ADGRL3: variants seen among roughly 807,000 people sequenced by gnomAD.
ADGRL3 encodes the protein calcium-independent alpha-latrotoxin receptor 3.
A neutral mutation model predicts 153.5 loss-of-function variants in ADGRL3; 62 were observed. The ratio of observed to expected loss-of-function variants is 0.40; its 90% CI spans 0.33 to 0.50. The LOEUF (loss-of-function observed/expected upper bound fraction) is 0.50. ADGRL3 is among the 20% of genes least tolerant of loss of function. The pLI, the probability that ADGRL3 is intolerant of heterozygous loss-of-function variation, is 0.47. For synonymous variants in ADGRL3, 710 were observed against 672.5 expected, an observed-to-expected ratio of 1.06 and a Z score of -0.86; for missense variants, 1,641 against 1,859.4, an observed-to-expected ratio of 0.88 and a Z score of 2.16.
chr4:61,863,488 C>T (rs1317643638), intron 9 of ADGRL3, among the ~76,000 whole-genome samples: 2 of 151,854 alleles, frequency 1.3e-5, no homozygotes, highest in Non-Finnish European at 2.9e-5. Context: ...CCGCCCGCCT[C>T]GGCCTCCCAA....
intron 8 of ADGRL3, among the ~76,000 whole-genome samples, chr4:61,748,086 C>T (rs1382380364): frequency 6.6e-6 from 1 of 151,312 alleles, no homozygotes; most frequent in Non-Finnish European, 1.5e-5. Context: ...AGAGCCAAAT[C>T]ATGAGTGAAC....
At chr4:61,261,385 C>G (rs1352948619) in intron 1 of ADGRL3, among the ~76,000 whole-genome samples, 2 of 151,960 alleles carry the variant, frequency 1.3e-5, no homozygotes, top group Non-Finnish European at 2.9e-5. Context: ...AATACAAGGC[C>G]TACACATTTT....
intron 13 of ADGRL3, among the ~76,000 whole-genome samples, chr4:61,927,539 T>A (rs2098799644): frequency 6.6e-6 from 1 of 152,080 alleles, no homozygotes; most frequent in Non-Finnish European, 1.5e-5. Flanking sequence ...AAAAGGTAGT[T>A]CAGAGATTAG....
At chr4:61,349,164 A>G (rs2095989561) in intron 1 of ADGRL3, among the ~76,000 whole-genome samples, 1 of 152,074 alleles carries the variant, frequency 6.6e-6, no homozygotes, top group African/African-American at 2.4e-5. Flanking sequence ...TAAAATTGGC[A>G]GGACTAGTTT....
intron 5 of ADGRL3, among the ~76,000 whole-genome samples, chr4:61,642,636 C>T (rs2093737957): frequency 6.6e-6 from 1 of 152,066 alleles, no homozygotes; most frequent in Non-Finnish European, 1.5e-5. Flanking sequence ...TGTTCTGTTC[C>T]ATTGATCTAT....
chr4:61,758,240 C>G (rs572898741), intron 8 of ADGRL3, among the ~76,000 whole-genome samples: 1 of 152,044 alleles, frequency 6.6e-6, no homozygotes, highest in Non-Finnish European at 1.5e-5. Flanking sequence ...CTGGATATCC[C>G]TTTCTGTCTC....
intron 8 of ADGRL3, among the ~76,000 whole-genome samples, chr4:61,750,640 T>A (rs949555428): frequency 2.6e-5 from 4 of 151,604 alleles, no homozygotes; most frequent in South Asian, 2.1e-4. Context: ...AAATACAAAA[T>A]TTAGCCGGGC....
chr4:61,386,803 G>T (rs547283641), intron 2 of ADGRL3, among the ~76,000 whole-genome samples: 1 of 152,242 alleles, frequency 6.6e-6, no homozygotes, highest in Non-Finnish European at 1.5e-5. Context: ...GAGAAATTCA[G>T]TCTTCATTTG....
At chr4:61,253,084 C>T (rs1389372438) in intron 1 of ADGRL3, among the ~76,000 whole-genome samples, 2 of 152,168 alleles carry the variant, frequency 1.3e-5, no homozygotes, top group Non-Finnish European at 2.9e-5. Flanking sequence ...TGGCTGCTTT[C>T]TGAAAACATA....
chr4:61,972,624 T>C (rs1350555182), intron 17 of ADGRL3, among the ~76,000 whole-genome samples: 1 of 152,198 alleles, frequency 6.6e-6, no homozygotes, highest in African/African-American at 2.4e-5. Context: ...TGGCTTAGGA[T>C]TGACTTCACG....
At chr4:61,227,207 C>T (rs1358759519) in intron 1 of ADGRL3, among the ~76,000 whole-genome samples, 1 of 151,954 alleles carries the variant, frequency 6.6e-6, no homozygotes, top group African/African-American at 2.4e-5. Flanking sequence ...TCTGGCACCT[C>T]ACTTTTTTTT....
chr4:61,573,335 T>A (rs1022473017), intron 4 of ADGRL3, among the ~76,000 whole-genome samples: 1 of 152,136 alleles, frequency 6.6e-6, no homozygotes, highest in East Asian at 1.9e-4. Flanking sequence ...ACACAGATTT[T>A]AAATATATCT....
At chr4:61,695,285 A>T (rs2095619880) in intron 6 of ADGRL3, among the ~76,000 whole-genome samples, 1 of 152,204 alleles carries the variant, frequency 6.6e-6, no homozygotes, top group Non-Finnish European at 1.5e-5. Flanking sequence ...TAAACATTGA[A>T]ATTACGCTTT....
At chr4:61,559,059 G>A (rs1203527963) in intron 4 of ADGRL3, among the ~76,000 whole-genome samples, 1 of 152,018 alleles carries the variant, frequency 6.6e-6, no homozygotes, top group Non-Finnish European at 1.5e-5. Flanking sequence ...ACAGGTACTG[G>A]TGTAGAATAA....
At chr4:61,566,662 TAATA>T (rs879445974) in intron 4 of ADGRL3, among the ~76,000 whole-genome samples, 11 of 152,116 alleles carry the variant, frequency 7.2e-5, no homozygotes, top group Non-Finnish European at 1.3e-4. Context: ...TAAAAATATA[TAATA>T]AATAAAGCTA....
chr4:61,608,545 A>G (rs1390310113), intron 5 of ADGRL3, among the ~76,000 whole-genome samples: 1 of 152,190 alleles, frequency 6.6e-6, no homozygotes, highest in Non-Finnish European at 1.5e-5. Flanking sequence ...TTAATGTATT[A>G]TAGTTTGTTA....
At chr4:61,359,217 A>C (rs2151465849) in intron 1 of ADGRL3, among the ~76,000 whole-genome samples, 1 of 152,240 alleles carries the variant, frequency 6.6e-6, no homozygotes, top group South Asian at 2.1e-4. Flanking sequence ...CATCTGGATT[A>C]TTGTGTATCT....
chr4:61,221,265 A>G (rs888077202), intron 1 of ADGRL3, among the ~76,000 whole-genome samples: 2 of 152,198 alleles, frequency 1.3e-5, no homozygotes. Flanking sequence ...TGCATAATAA[A>G]ATAGTATAGT....
At chr4:61,794,436 T>C (rs2097382387) in intron 8 of ADGRL3, among the ~76,000 whole-genome samples, 1 of 152,236 alleles carries the variant, frequency 6.6e-6, no homozygotes, top group Non-Finnish European at 1.5e-5. Context: ...CTGCTTGTAA[T>C]ACTTTCTGAA....
Sources: gnomAD v4.1 joint callset for allele counts (sites outside exome capture counted in the v4.1 genomes callset) on GRCh38, gnomAD v4.1.1 for gene constraint, MANE v1.5 for transcripts, NCBI Gene and HGNC (gene_info 2026-07-23, HGNC 2026-07-21) for gene names.